The following RANBP17 variants were observed in gnomAD, a reference collection of about 807,000 sequenced individuals.
RANBP17 encodes ran-binding protein 17.
Under a neutral mutation model 141.2 loss-of-function variants are expected in RANBP17, and 158 were observed. That is an observed-to-expected ratio of 1.12 (90% CI 0.98 to 1.28). The LOEUF (loss-of-function observed/expected upper bound fraction) is 1.28. RANBP17 is among the 50% of genes most tolerant of loss of function. The pLI, the probability that RANBP17 is intolerant of heterozygous loss-of-function variation, is 0.00. For missense variants in RANBP17, 1,438 were observed against 1,290.7 expected (o/e 1.11, Z -1.75); for synonymous variants, 430 against 450.0 (o/e 0.96, Z 0.56).
chr5:171,087,873 G>A (rs1169060061), intron 14 of RANBP17, among the ~76,000 whole-genome samples: 2 of 151,870 alleles, frequency 1.3e-5, no homozygotes, highest in Non-Finnish European at 2.9e-5. Flanking sequence ...CATGTGAGAT[G>A]GGTTTCCTGA....
intron 19 of RANBP17, among the ~76,000 whole-genome samples, chr5:171,204,155 GTAATT>G (rs988188313): frequency 1.3e-5 from 2 of 152,108 alleles, no homozygotes; most frequent in African/African-American, 2.4e-5. Flanking sequence ...AAAGGAGTAA[GTAATT>G]TAAAGGAGCA....
At chr5:171,112,703 T>A (rs1755330497) in intron 14 of RANBP17, among the ~76,000 whole-genome samples, 1 of 151,958 alleles carries the variant, frequency 6.6e-6, no homozygotes, top group African/African-American at 2.4e-5. Context: ...AACAATGACC[T>A]GCTTGCAGCA....
intron 14 of RANBP17, among the ~76,000 whole-genome samples, chr5:170,981,649 G>A (rs1004808076): frequency 6.6e-6 from 1 of 151,978 alleles, no homozygotes; most frequent in Non-Finnish European, 1.5e-5. Context: ...CCCCAGACAT[G>A]TGAAACTGTA....
intron 14 of RANBP17, among the ~76,000 whole-genome samples, chr5:171,059,476 A>G (rs981173203): frequency 6.6e-6 from 1 of 151,872 alleles, no homozygotes; most frequent in Non-Finnish European, 1.5e-5. Flanking sequence ...ATAGTTGTAG[A>G]TATGCAGCGT....
chr5:171,258,565 A>G (rs1766076266), intron 24 of RANBP17, among the ~76,000 whole-genome samples: 1 of 152,210 alleles, frequency 6.6e-6, no homozygotes, highest in Non-Finnish European at 1.5e-5. Flanking sequence ...TAGAGAGCCC[A>G]GAAATAAAGT....
chr5:171,281,973 C>G (rs1767888765), intron 25 of RANBP17, among the ~76,000 whole-genome samples: 1 of 152,026 alleles, frequency 6.6e-6, no homozygotes, highest in Admixed American at 6.6e-5. Context: ...TGCAGAGAGC[C>G]TGAAAACAAA....
intron 14 of RANBP17, among the ~76,000 whole-genome samples, chr5:171,075,450 T>C (rs1025031261): frequency 2.0e-5 from 3 of 152,100 alleles, no homozygotes; most frequent in Non-Finnish European, 2.9e-5. Context: ...CAATAACCCA[T>C]GTGTTATATA....
chr5:171,077,676 C>G (rs1785018283), intron 14 of RANBP17, among the ~76,000 whole-genome samples: 1 of 152,288 alleles, frequency 6.6e-6, no homozygotes, highest in South Asian at 2.1e-4. Context: ...ACACATTTCT[C>G]TCTGCATTTT....
intron 23 of RANBP17, 63 bp from the exon 24 acceptor site, chr5:171,242,619 C>G: frequency 6.5e-7 from 1 of 1,537,158 alleles, no homozygotes; most frequent in Non-Finnish European, 8.8e-7. Context: ...ACAATTTTCA[C>G]TGGACTGTAA....
intron 14 of RANBP17, among the ~76,000 whole-genome samples, chr5:171,039,774 A>G (rs1782138739): frequency 6.6e-6 from 1 of 152,198 alleles, no homozygotes; most frequent in Non-Finnish European, 1.5e-5. Flanking sequence ...TAGAAAATCT[A>G]GAGGAAATGG....
intron 14 of RANBP17, among the ~76,000 whole-genome samples, chr5:171,156,685 A>G (rs754308043): frequency 6.6e-6 from 1 of 152,174 alleles, no homozygotes; most frequent in African/African-American, 2.4e-5. Flanking sequence ...TTTATTAGCT[A>G]TCGGTAGCTT....
chr5:171,119,286 T>C (rs1314082235), intron 14 of RANBP17, among the ~76,000 whole-genome samples: 1 of 152,192 alleles, frequency 6.6e-6, no homozygotes, highest in Non-Finnish European at 1.5e-5. Flanking sequence ...TTGCTAGCAT[T>C]TGTTGGTTTT....
At chr5:171,077,865 C>T (rs932828056) in intron 14 of RANBP17, among the ~76,000 whole-genome samples, 12 of 152,174 alleles carry the variant, frequency 7.9e-5, no homozygotes, top group Admixed American at 6.5e-5. Flanking sequence ...ATAACATTCC[C>T]TCAAGACAAA....
chr5:171,265,666 T>G lies in RANBP17; in HGVS notation c.2777-15T>G. On this transcript the variant is annotated splice_polypyrimidine_tract_variant and intron_variant, in intron 24 of 27. Coordinates refer to ENST00000523189, the MANE Select transcript of RANBP17 (RefSeq NM_022897.5). ...TTAAGTAATGCAAATGAATTCTTAT[T>G]TACTATTTGTACAGATACAGTTGTC... is the stretch of plus-strand genomic sequence containing the variant. 1 of 1,568,218 alleles carries G rather than the reference T, an allele frequency of 6.4e-7. No homozygotes were observed. The highest frequency in any genetic ancestry group is 8.6e-7 in the Non-Finnish European group (1 of 1,159,172).
intron 25 of RANBP17, among the ~76,000 whole-genome samples, chr5:171,277,653 A>ATATATATT (rs1561823539): frequency 4.6e-5 from 6 of 130,750 alleles, no homozygotes; most frequent in African/African-American, 1.7e-4. Flanking sequence ...ATATATATAT[A>ATATATATT]TATATATATA....
intron 14 of RANBP17, among the ~76,000 whole-genome samples, chr5:171,063,831 C>G (rs1000847674): frequency 1.3e-5 from 2 of 152,214 alleles, no homozygotes; most frequent in South Asian, 2.1e-4. Flanking sequence ...TCGAGCTTCC[C>G]GGCTGCTTTG....
rs188763553 is a variant in RANBP17 at position 171,066,637 on chromosome 5, G to A, written c.1710+98260G>A. Among the ~76,000 whole-genome samples, 6 of 152,294 alleles carry A rather than the reference G, an allele frequency of 3.9e-5. No homozygotes were observed. In the East Asian group the frequency reaches 1.2e-3, roughly 29 times the overall value. On this transcript the variant is annotated intron_variant, in intron 14 of 27. Transcript: ENST00000523189. Reference sequence around the variant, plus strand: ...ATAATGCTGCAGTGAACGTGGGAGTGGAGATATTTCTTCAACATACCTATT... The same window carrying A: ...ATAATGCTGCAGTGAACGTGGGAGTAGAGATATTTCTTCAACATACCTATT...
chr5:171,089,561 G>C (rs887194625), intron 14 of RANBP17, among the ~76,000 whole-genome samples: 1 of 151,904 alleles, frequency 6.6e-6, no homozygotes, highest in Non-Finnish European at 1.5e-5. Flanking sequence ...CCCCGGCCTC[G>C]CTGCTGCCTT....
chr5:170,963,498 G>C (rs1254690601), intron 13 of RANBP17, among the ~76,000 whole-genome samples: 1 of 152,212 alleles, frequency 6.6e-6, no homozygotes, highest in African/African-American at 2.4e-5. Context: ...TAAAGCAGTA[G>C]GCCCCAGGGA....
Sources: allele counts gnomAD v4.1 joint callset (sites outside exome capture counted in the v4.1 genomes callset), GRCh38; gene constraint gnomAD v4.1.1; transcripts MANE v1.5; gene names NCBI Gene and HGNC (gene_info 2026-07-23, HGNC 2026-07-21).